NEK7: variants seen among roughly 807,000 people sequenced by gnomAD.
NEK7 encodes serine/threonine-protein kinase Nek7.
Under a neutral mutation model 44.6 loss-of-function variants are expected in NEK7, and 18 were observed. The ratio of observed to expected loss-of-function variants is 0.40; its 90% confidence interval spans 0.28 to 0.60. The LOEUF (loss-of-function observed/expected upper bound fraction) is 0.60, where lower values mean the gene tolerates loss of function less well. NEK7 is among the 20% of genes least tolerant of loss of function. The pLI is 0.38. For missense variants in NEK7, 256 were observed against 366.5 expected, an observed-to-expected ratio of 0.70 and a Z score of 2.46; for synonymous variants, 130 against 121.1, an observed-to-expected ratio of 1.07 and a Z score of -0.48.
chr1:198,170,491 C>T (rs1247299132), intron 1 of NEK7, among the ~76,000 whole-genome samples: 1 of 152,154 alleles, frequency 6.6e-6, no homozygotes, highest in Non-Finnish European at 1.5e-5. Context: ...CCTTAGAGCC[C>T]AGTTCATTCC....
chr1:198,157,569 G>C (rs934030650), intron 1 of NEK7, among the ~76,000 whole-genome samples: 2 of 152,234 alleles, frequency 1.3e-5, no homozygotes, highest in African/African-American at 4.8e-5. Flanking sequence ...CGTGGCCACG[G>C]CGGCGGCGGC....
chr1:198,157,473 T>G (rs1571486600), intron 1 of NEK7, among the ~76,000 whole-genome samples, 197 bp downstream of exon 1: 1 of 151,928 alleles, frequency 6.6e-6, no homozygotes, highest in South Asian at 2.1e-4. Context: ...TTGGCAGCGG[T>G]GGGAGGGGGC....
At chr1:198,303,448 C>T (rs1349422869) in intron 9 of NEK7, among the ~76,000 whole-genome samples, 2 of 150,834 alleles carry the variant, frequency 1.3e-5, no homozygotes, top group Admixed American at 6.6e-5. Flanking sequence ...AAAACCATGA[C>T]CTTTGTTTTG....
chr1:198,167,039 G>A (rs1664288568), intron 1 of NEK7, among the ~76,000 whole-genome samples: 1 of 152,210 alleles, frequency 6.6e-6, no homozygotes, highest in Non-Finnish European at 1.5e-5. Context: ...CTGCAGGCCA[G>A]AAGTCAGAAG....
At position 198,264,206 on chromosome 1, in the gene NEK7, G is replaced by A. The variant is rs1418928463; in HGVS notation, c.343G>A (p.Asp115Asn). The A allele has an allele frequency of 6.2e-7, 1 of 1,605,314 alleles. No individual in the cohort carries two copies. Among genetic ancestry groups the A allele is most frequent in the Non-Finnish European group, 8.5e-7 (1 of 1,175,840 alleles). Residue 115 changes from aspartate to asparagine, a missense_variant, in exon 5 of 10, where the codon GAT (aspartate) becomes AAT (asparagine). Asp to Asn is a conservative substitution (Grantham distance 23, BLOSUM62 1). Transcript: ENST00000367385. ...ACTAAACATAGTTTTGGAACTAGCA[G>A]ATGCTGGCGACCTATCCAGAATGAT... ...NELNIVLELA[D>N]AGDLSRMIKH...
chr1:198,271,925 A>ATATATAT (rs1558088708), intron 5 of NEK7, among the ~76,000 whole-genome samples: 1 of 135,736 alleles, frequency 7.4e-6, no homozygotes, highest in African/African-American at 2.7e-5. Context: ...ATATATATAT[A>ATATATAT]CACACACACA....
chr1:198,221,686 A>G (rs1666081871), intron 1 of NEK7, among the ~76,000 whole-genome samples: 1 of 151,920 alleles, frequency 6.6e-6, no homozygotes, highest in African/African-American at 2.4e-5. Context: ...ACAGATGTAG[A>G]TTAAAGCTTC....
Position 198,319,463 on chromosome 1 carries a change from G to A in NEK7, c.850G>A (p.Asp284Asn). The A allele has an allele frequency of 6.2e-7, 1 of 1,613,396 alleles. No homozygotes were observed. ...CAACCCAGATCCAGAGAAGCGACCA[G>A]ACGTCACCTATGTTTATGACGTAGC... ...CINPDPEKRP[D>N]VTYVYDVAKR... Residue 284 changes from aspartate to asparagine, a missense_variant, in exon 10 of 10, where the codon GAC becomes AAC. Asp to Asn is a conservative substitution (Grantham distance 23). Around this residue, in one of 3 missense-constraint regions of NEK7, gnomAD observed 58 missense variants for 66.5 expected, o/e 0.87. Coordinates refer to ENST00000367385, the MANE Select transcript of NEK7 (RefSeq NM_133494.3).
intron 1 of NEK7, among the ~76,000 whole-genome samples, chr1:198,197,491 A>AT (rs1038928504): frequency 4.6e-5 from 7 of 152,120 alleles, no homozygotes; most frequent in Non-Finnish European, 8.8e-5. Context: ...CAGCTCAGCA[A>AT]TTTTTTTTCA....
rs1655506169 is a variant in NEK7 at position 198,320,616 on chromosome 1, T to C, written c.*1094T>C. ...TACTTTTCCTGGATTGAAAACTTTT[T>C]TTAAACTTTTTAAAATTTGGGCCAC... On this transcript the variant is annotated 3_prime_UTR_variant, in exon 10 of 10. Transcript: ENST00000367385. The C allele has an allele frequency of 6.6e-6, 1 of 152,178 alleles. No homozygotes were observed. The highest frequency in any genetic ancestry group is 2.1e-4 in the South Asian group (1 of 4,826). The allele number at this position is 152,178 out of a possible 1,614,324, so 9.4% of individuals were successfully genotyped here. A position where few individuals can be genotyped will look rare whatever the true frequency, so the allele number is the denominator to read the frequency against.
At chr1:198,299,625 A>G (rs1054943995) in intron 9 of NEK7, among the ~76,000 whole-genome samples, 2 of 152,190 alleles carry the variant, frequency 1.3e-5, no homozygotes, top group African/African-American at 4.8e-5. Flanking sequence ...AAATAAAAAA[A>G]TTTAAGCAAA....
At chr1:198,231,932 T>G (rs12036839) in intron 1 of NEK7, among the ~76,000 whole-genome samples, 51,055 of 151,856 alleles carry the variant, frequency 0.34, 9,806 homozygotes, top group East Asian at 0.8. Flanking sequence ...CAAATGTAGT[T>G]CCTGGAGTGT....
intron 1 of NEK7, among the ~76,000 whole-genome samples, chr1:198,192,010 A>G (rs1353787248): frequency 6.6e-6 from 1 of 151,978 alleles, no homozygotes; most frequent in African/African-American, 2.4e-5. Context: ...TTGGATCTCT[A>G]TTTAGGAAAG....
intron 9 of NEK7, among the ~76,000 whole-genome samples, chr1:198,317,885 T>TTTA (rs1553258440): frequency 1.4e-3 from 208 of 144,522 alleles, no homozygotes; most frequent in Middle Eastern, 3.5e-3. Context: ...TTATTTTTTT[T>TTTA]TTTTTTTTTT....
chr1:198,258,218 A>C (rs1653340516), intron 3 of NEK7, among the ~76,000 whole-genome samples: 1 of 152,190 alleles, frequency 6.6e-6, no homozygotes, highest in African/African-American at 2.4e-5. Context: ...AGGCGGGCAG[A>C]TGACGAAGTC....
intron 1 of NEK7, among the ~76,000 whole-genome samples, chr1:198,190,927 A>C (rs1476076856): frequency 6.6e-6 from 1 of 152,126 alleles, no homozygotes; most frequent in African/African-American, 2.4e-5. Context: ...AGTTTTATAT[A>C]GTACTTTGTT....
At chr1:198,265,347 G>T (rs57691884) in intron 5 of NEK7, among the ~76,000 whole-genome samples, 4 of 151,924 alleles carry the variant, frequency 2.6e-5, no homozygotes, top group African/African-American at 7.3e-5. Flanking sequence ...AAGAATAACC[G>T]AATGAGAAAA....
intron 9 of NEK7, among the ~76,000 whole-genome samples, chr1:198,318,443 CTGGTTGAAAGTTATTTTA>C (rs1427640427): frequency 6.6e-6 from 1 of 152,270 alleles, no homozygotes; most frequent in South Asian, 2.1e-4. Flanking sequence ...TGTATTTTCT[CTGGTTGAAAGTTATTTTA>C]TGGTAGAAAT....
At chr1:198,203,248 T>C (rs774509825) in intron 1 of NEK7, among the ~76,000 whole-genome samples, 3 of 152,188 alleles carry the variant, frequency 2.0e-5, no homozygotes, top group East Asian at 1.9e-4. Context: ...TTCTCAAGCC[T>C]GGTGCTTGAA....
Sources: allele counts gnomAD v4.1 joint callset (sites outside exome capture counted in the v4.1 genomes callset), GRCh38; gene constraint gnomAD v4.1.1; regional missense constraint gnomAD v4.1.1; transcripts MANE v1.5; gene names NCBI Gene and HGNC (gene_info 2026-07-23, HGNC 2026-07-21).